PELP1: variants seen among roughly 807,000 people sequenced by gnomAD.
PELP1 encodes proline, glutamate and leucine rich protein 1.
PELP1 carries 32 observed loss-of-function variants against 95.5 expected under a neutral mutation model. The ratio of observed to expected loss-of-function variants is 0.34; its 90% CI spans 0.25 to 0.45. PELP1 has a LOEUF of 0.45. PELP1 is among the 20% of genes least tolerant of loss of function. PELP1 has a pLI of 1.00. For synonymous variants in PELP1, 668 were observed against 600.1 expected (o/e 1.11, Z -1.65); for missense variants, 1,358 against 1,444.8 (o/e 0.94, Z 0.97).
chr17:4,674,893 C>G lies in PELP1; in HGVS notation c.1338G>C (p.Ala446=), dbSNP rs374419365. The change falls in exon 12 of 17, where the codon GCG becomes GCC. Residue 446 remains alanine, a synonymous_variant. Coordinates refer to ENST00000572293, the MANE Select transcript of PELP1 (RefSeq NM_014389.3). ...ELWVQVCGAS[A]GMLQGGASGE... ...CAGAGGCTCCTCCCTGAAGCATTCC[C>G]GCCGAGGCCCCACAAACCTGCACCC... The G allele has an allele frequency of 6.2e-7, 1 of 1,613,744 alleles. No homozygotes were observed. The highest frequency in any genetic ancestry group is 1.3e-5 in the African/African-American group (1 of 75,052).
chr17:4,676,538 A>G lies in PELP1; in HGVS notation c.703-31T>C, dbSNP rs774011346. The G allele has an allele frequency of 1.1e-5, 17 of 1,611,118 alleles. No individual in the cohort carries two copies. In the South Asian group the frequency reaches 1.9e-4, roughly 18 times the overall value. On this transcript the variant is annotated intron_variant, in intron 6 of 16. Coordinates refer to ENST00000572293, the MANE Select transcript of PELP1 (RefSeq NM_014389.3). The stretch of plus-strand genomic sequence containing the variant: ...GGAGAAAGGACAGAAACCTGGTCAG[A>G]TGGGAATCCAGCCCAGCCACAGAAC...
At chr17:4,683,127 A>G (rs1455531677) in intron 3 of PELP1, 175 bp from the exon 4 acceptor site, 1 of 1,249,162 alleles carries the variant, frequency 8.0e-7, no homozygotes, top group Non-Finnish European at 1.0e-6. Context: ...TTTACATTTT[A>G]CTATTACGGG....
intron 1 of PELP1, among the ~76,000 whole-genome samples, chr17:4,701,465 G>A (rs968747023): frequency 1.3e-5 from 2 of 152,200 alleles, no homozygotes; most frequent in African/African-American, 4.8e-5. Context: ...GCTCACTCCA[G>A]CTACTGTGTG....
chr17:4,701,302 G>A (rs1311123271), intron 1 of PELP1, among the ~76,000 whole-genome samples: 1 of 135,172 alleles, frequency 7.4e-6, no homozygotes, highest in Non-Finnish European at 1.6e-5. Context: ...GAATTGAGAA[G>A]ACTGGGAAGG....
chr17:4,675,399 A>G lies in PELP1; in HGVS notation c.1069-37T>C, dbSNP rs1332939810. ...AGGGGCAGAGATAAAGAGTGGAGGA[A>G]GAAAGTGAGAGCCAGAGAGAGACAG... On this transcript the variant is annotated intron_variant, in intron 9 of 16. Coordinates refer to ENST00000572293, the MANE Select transcript of PELP1 (RefSeq NM_014389.3). This position sits in a 1 kb window ranked among gnomAD's most constrained non-coding sequence, Gnocchi z 4.3. The G allele has an allele frequency of 3.2e-6, 4 of 1,248,514 alleles. No individual in the cohort carries two copies. The East Asian group carries it at 7.6e-5, about 24-fold the overall frequency. The allele number at this position is 1,248,514 out of a possible 1,614,324, so 77.3% of individuals were successfully genotyped here.
chr17:4,695,755 G>C (rs1236522734), intron 1 of PELP1, among the ~76,000 whole-genome samples: 1 of 150,022 alleles, frequency 6.7e-6, no homozygotes, highest in African/African-American at 2.5e-5. Flanking sequence ...AAGGTGGGCA[G>C]ATCATTTGAG....
chr17:4,700,488 T>TA (rs1913481019), intron 1 of PELP1, among the ~76,000 whole-genome samples: 1 of 151,862 alleles, frequency 6.6e-6, no homozygotes, highest in Non-Finnish European at 1.5e-5. Context: ...CTACTAAAAA[T>TA]ACAAAATTAG....
rs375481592 is a variant in PELP1 at position 4,673,099 on chromosome 17, G to A, written c.1892C>T (p.Thr631Ile). ...SEALVTCAAL[T>I]HPRVPPLQPM... ...CTGCAGGGGAGGAACCCGGGGGTGG[G>A]TCAGAGCAGCACAGGTCACCAGTGC... The change falls in exon 16 of 17, where the codon ACC becomes ATC. Residue 631 changes from threonine (T) to isoleucine (I), a missense_variant. This residue lies in a region of PELP1 where 18 missense variants were observed against 39.0 expected (regional missense o/e 0.46). Transcript: ENST00000572293. The surrounding 1 kb of genome is among the most constrained non-coding windows in gnomAD (Gnocchi z 5.7). 2.3e-5 allele frequency: 35 copies of A among 1,523,938 alleles called. No homozygotes were observed. In the African/African-American group the frequency reaches 3.9e-4, roughly 17 times the overall value. 94.4% of individuals were successfully genotyped at this position (1,523,938 alleles called of 1,614,324 possible).
rs1567659172 is a variant in PELP1 at position 4,671,847 on chromosome 17, G to A, written c.3144C>T (p.Pro1048=). 5 of 1,512,458 alleles carry A rather than the reference G, an allele frequency of 3.3e-6. No individual in the cohort carries two copies. The highest frequency in any genetic ancestry group is 2.3e-5 in the East Asian group (1 of 43,396). 93.7% of individuals were successfully genotyped at this position (1,512,458 alleles called of 1,614,324 possible). A position where few individuals can be genotyped will look rare whatever the true frequency, so the allele number is the denominator to read the frequency against. ...EREGESPAAG[P]PPQELVEEEP... is the part of the protein sequence containing the mutation. ...CTTCTTCAACAAGCTCCTGGGGAGG[G>A]GGCCCTGCCGCAGGGCTTTCCCCTT... is the stretch of plus-strand genomic sequence containing the variant. Residue 1048 remains proline (P), a synonymous_variant, in exon 16 of 17, where the codon CCC becomes CCT. Transcript: ENST00000572293.
intron 3 of PELP1, among the ~76,000 whole-genome samples, chr17:4,683,411 G>T (rs138246406): frequency 2.9e-4 from 44 of 151,724 alleles, no homozygotes; most frequent in Non-Finnish European, 5.7e-4. Context: ...TAGTAGAGAC[G>T]GGGTTTCACT....
rs55794918 is a variant in PELP1 at position 4,694,497 on chromosome 17, C to CAAAAAAAAAAAA, written c.250-3067_250-3056dup. On this transcript the variant is annotated intron_variant, in intron 1 of 16. Transcript: ENST00000572293. ...TGAAACGCCATCTCTACCAAAAATACAAAAAAAAAAAAATCAGCCAGGCGT... is the reference window on the plus strand; with the variant it reads ...TGAAACGCCATCTCTACCAAAAATACAAAAAAAAAAAAAAAAAAAAAAAAATCAGCCAGGCGT... Among the ~76,000 whole-genome samples, 3 of 54,624 alleles carry CAAAAAAAAAAAA rather than the reference C, an allele frequency of 5.5e-5. 1 individual carries two copies. The highest frequency in any genetic ancestry group is 9.0e-5 in the African/African-American group (1 of 11,144). 35.8% of individuals were successfully genotyped at this position (54,624 alleles called of 152,430 possible).
intron 16 of PELP1, 46 bp downstream of exon 16, chr17:4,671,645 A>T: frequency 6.2e-7 from 1 of 1,600,928 alleles, no homozygotes; most frequent in Non-Finnish European, 8.5e-7. Flanking sequence ...TTCTCCCGCC[A>T]GCCCCACCTT....
chr17:4,682,732 A>G, intron 4 of PELP1, 71 bp downstream of exon 4: 2 of 1,488,458 alleles, frequency 1.3e-6, no homozygotes, highest in Non-Finnish European at 1.8e-6. Context: ...CACTTCCATC[A>G]AACAATTAAA....
At chr17:4,695,345 C>G (rs1014534919) in intron 1 of PELP1, among the ~76,000 whole-genome samples, 1 of 53,864 alleles carries the variant, frequency 1.9e-5, no homozygotes, top group Non-Finnish European at 4.3e-5. Flanking sequence ...AATAAAATGG[C>G]TAAATTGTAT....
In PELP1 at chr17:4,674,534, C is replaced by T. The variant is rs36111162; in HGVS notation, c.1558G>A (p.Asp520Asn). Residue 520 changes from aspartate (D) to asparagine (N), a missense_variant, in exon 13 of 17, where the codon GAC becomes AAC. Around this residue, in one of 7 missense-constraint regions of PELP1, gnomAD observed 538 missense variants for 628.1 expected, o/e 0.86. Coordinates refer to ENST00000572293, the MANE Select transcript of PELP1 (RefSeq NM_014389.3). ...CCTCTGAGTGCAGCCGCACACACGT[C>T]GCTGTTGGCATTGCTATCCCCTTTC... is the stretch of plus-strand genomic sequence containing the variant. Reference protein sequence around the residue: ...HRKGDSNANSDVCAAALRGLS... With the variant: ...HRKGDSNANSNVCAAALRGLS... 9.9e-6 allele frequency: 16 copies of T among 1,613,100 alleles called. No homozygotes were observed. The African/African-American group carries it at 1.7e-4, about 17-fold the overall frequency.
chr17:4,690,803 T>A, intron 3 of PELP1, 85 bp downstream of exon 3: 1 of 834,526 alleles, frequency 1.2e-6, no homozygotes, highest in Non-Finnish European at 2.1e-6. Context: ...GAACTACATG[T>A]CCAAGTTGAA....
chr17:4,693,268 C>T (rs952257209), intron 1 of PELP1, among the ~76,000 whole-genome samples: 1 of 152,122 alleles, frequency 6.6e-6, no homozygotes, highest in Non-Finnish European at 1.5e-5. Context: ...TCATAATAAC[C>T]AAAATGGGAA....
intron 3 of PELP1, among the ~76,000 whole-genome samples, chr17:4,685,792 T>TAAAAAAA (rs750825796): frequency 5.0e-5 from 6 of 119,570 alleles, no homozygotes; most frequent in Admixed American, 1.7e-4. Context: ...AACCATGTCT[T>TAAAAAAA]AAAAAAAAAA....
chr17:4,698,574 G>T (rs746231181), intron 1 of PELP1, among the ~76,000 whole-genome samples: 1 of 150,514 alleles, frequency 6.6e-6, no homozygotes, highest in Admixed American at 6.6e-5. Flanking sequence ...CCCAGGGGGC[G>T]GAGGTTCCAG....
Sources: allele counts gnomAD v4.1 joint callset (sites outside exome capture counted in the v4.1 genomes callset), GRCh38; gene constraint gnomAD v4.1.1; regional missense constraint gnomAD v4.1.1; non-coding constraint Gnocchi (gnomAD v3.1); transcripts MANE v1.5; gene names NCBI Gene and HGNC (gene_info 2026-07-23, HGNC 2026-07-21).